SNTG2: variants seen among roughly 807,000 people sequenced by gnomAD.
SNTG2 encodes the protein gamma-2-syntrophin.
SNTG2 carries 74 observed loss-of-function variants against 70.9 expected under a neutral mutation model. The observed-to-expected ratio is 1.04, with a 90% CI of 0.86 to 1.27. The LOEUF (loss-of-function observed/expected upper bound fraction) is 1.27. SNTG2 is among the 50% of genes most tolerant of loss of function. SNTG2 has a pLI of 0.00. For missense variants in SNTG2, 717 were observed against 690.7 expected (o/e 1.04, Z -0.43); for synonymous variants, 278 against 273.8 (o/e 1.02, Z -0.15).
At chr2:1,239,651 C>T (rs754928326) in intron 10 of SNTG2, 87 bp from the exon 11 acceptor site, 20 of 1,390,472 alleles carry the variant, frequency 1.4e-5, no homozygotes, top group Admixed American at 1.3e-4. Context: ...CAGGACAGAG[C>T]GTGGCTGATG....
intron 6 of SNTG2, among the ~76,000 whole-genome samples, chr2:1,162,071 CAAAAAA>C (rs58579024): frequency 6.7e-5 from 6 of 89,776 alleles, no homozygotes; most frequent in South Asian, 9.9e-4. Context: ...GACTCCGTCT[CAAAAAA>C]AAAAAAAAAA....
chr2:1,068,707 A>T lies in SNTG2; in HGVS notation c.73-14811A>T, dbSNP rs201009272. 2.0e-5 allele frequency among the ~76,000 whole-genome samples: 3 copies of T among 152,218 alleles called. No homozygotes were observed. The East Asian group carries it at 5.8e-4, about 29-fold the overall frequency. ...CCATTACATTTCATCTTAAATTTGTATGCTGAAAGCACTGAAGAAACACAT... is the reference window on the plus strand; with the variant it reads ...CCATTACATTTCATCTTAAATTTGTTTGCTGAAAGCACTGAAGAAACACAT... On this transcript the variant is annotated intron_variant, in intron 1 of 16. Coordinates refer to ENST00000308624, the MANE Select transcript of SNTG2 (RefSeq NM_018968.4).
At chr2:1,135,530 G>A (rs1334605875) in intron 4 of SNTG2, among the ~76,000 whole-genome samples, 2 of 152,178 alleles carry the variant, frequency 1.3e-5, no homozygotes, top group Non-Finnish European at 2.9e-5. Flanking sequence ...GACCAGCCTG[G>A]CCAACATGGC....
intron 4 of SNTG2, among the ~76,000 whole-genome samples, chr2:1,118,891 G>A (rs1476527877): frequency 6.6e-6 from 1 of 152,038 alleles, no homozygotes; most frequent in Non-Finnish European, 1.5e-5. Context: ...TTCAGTCTTG[G>A]GAGAGATATG....
intron 8 of SNTG2, among the ~76,000 whole-genome samples, chr2:1,190,184 G>T (rs1672492143): frequency 6.6e-6 from 1 of 151,976 alleles, no homozygotes; most frequent in East Asian, 1.9e-4. Context: ...TTCCACAGGG[G>T]ATTGGTTCTA....
rs914957540 is a variant in SNTG2, at chr2:1,158,310, A to AT, written c.412-7232dup. 58 of 151,768 alleles carry AT rather than the reference A, an allele frequency of 3.8e-4. 1 individual carries two copies. The highest frequency in any genetic ancestry group is 1.4e-3 in the African/African-American group (56 of 41,282). 9.4% of individuals were successfully genotyped at this position (151,768 alleles called of 1,614,324 possible). ...TTACATAGAAAAGTAGAAAATTATT[A>AT]TTTTTTAAAATTTATCTACATCTGA... On this transcript the variant is annotated intron_variant, in intron 6 of 16. Transcript: ENST00000308624.
intron 15 of SNTG2, among the ~76,000 whole-genome samples, chr2:1,311,396 T>C (rs56153516): frequency 0.024 from 3,596 of 152,282 alleles, 124 homozygotes; most frequent in African/African-American, 0.08. Flanking sequence ...ACATAAACAA[T>C]TGTTCCTTGT....
chr2:1,256,065 G>A (rs1272638214), intron 12 of SNTG2, among the ~76,000 whole-genome samples: 5 of 150,982 alleles, frequency 3.3e-5, no homozygotes, highest in Non-Finnish European at 7.4e-5. Flanking sequence ...ATCATAGGGT[G>A]TATTTACAGA....
intron 4 of SNTG2, among the ~76,000 whole-genome samples, chr2:1,104,285 T>C (rs1665978822): frequency 6.6e-6 from 1 of 152,224 alleles, no homozygotes; most frequent in Non-Finnish European, 1.5e-5. Flanking sequence ...TTGCTCTATG[T>C]TGGTGTTGCC....
At chr2:1,272,233 C>T (rs1002064595) in intron 14 of SNTG2, among the ~76,000 whole-genome samples, 5 of 151,824 alleles carry the variant, frequency 3.3e-5, no homozygotes, top group East Asian at 1.9e-4. Context: ...TGCAACTAGA[C>T]GGTCCCATCT....
At chr2:1,341,320 G>A (rs1020044211) in intron 16 of SNTG2, 1 of 152,224 alleles carries the variant, frequency 6.6e-6, no homozygotes, top group Non-Finnish European at 1.5e-5. Flanking sequence ...CAAGAGAGAA[G>A]CAGAGAACAT....
At chr2:1,238,891 C>G (rs1213371685) in intron 10 of SNTG2, among the ~76,000 whole-genome samples, 1 of 152,244 alleles carries the variant, frequency 6.6e-6, no homozygotes, top group East Asian at 1.9e-4. Flanking sequence ...CTGCCCACCA[C>G]CTCACGTCTC....
At chr2:1,328,795 C>CCA (rs1223630410) in intron 16 of SNTG2, among the ~76,000 whole-genome samples, 2 of 151,834 alleles carry the variant, frequency 1.3e-5, no homozygotes, top group Non-Finnish European at 2.9e-5. Flanking sequence ...ACGTGTGTAT[C>CCA]CACACACACA....
At chr2:1,124,551 C>T (rs907275182) in intron 4 of SNTG2, among the ~76,000 whole-genome samples, 2 of 152,162 alleles carry the variant, frequency 1.3e-5, no homozygotes, top group Admixed American at 1.3e-4. Flanking sequence ...CCACCTTAGC[C>T]TCCCAAAATG....
intron 16 of SNTG2, among the ~76,000 whole-genome samples, chr2:1,330,498 GC>G (rs1659468449): frequency 6.6e-6 from 1 of 152,172 alleles, no homozygotes; most frequent in East Asian, 1.9e-4. Flanking sequence ...AATCTGTGCA[GC>G]AAGGTGGAGC....
At chr2:1,336,717 T>C (rs1659835744) in intron 16 of SNTG2, among the ~76,000 whole-genome samples, 1 of 152,222 alleles carries the variant, frequency 6.6e-6, no homozygotes, top group East Asian at 1.9e-4. Context: ...GAAGAGACTA[T>C]CTTTTCCCCG....
At chr2:1,083,195 T>C (rs1490986682) in intron 1 of SNTG2, among the ~76,000 whole-genome samples, 1 of 149,752 alleles carries the variant, frequency 6.7e-6, no homozygotes, top group Non-Finnish European at 1.5e-5. Context: ...TATATATATA[T>C]ATATTTGGAA....
At chr2:1,120,922 A>G (rs755431418) in intron 4 of SNTG2, among the ~76,000 whole-genome samples, 1 of 152,176 alleles carries the variant, frequency 6.6e-6, no homozygotes. Context: ...AGATATATAA[A>G]GAACTTTCCA....
intron 16 of SNTG2, among the ~76,000 whole-genome samples, chr2:1,329,892 A>G (rs917039709): frequency 1.3e-5 from 2 of 152,234 alleles, no homozygotes; most frequent in Non-Finnish European, 2.9e-5. Context: ...CACAAATCCT[A>G]TATAGTGACT....
Sources: allele counts gnomAD v4.1 joint callset (sites outside exome capture counted in the v4.1 genomes callset), GRCh38; gene constraint gnomAD v4.1.1; transcripts MANE v1.5; gene names NCBI Gene and HGNC (gene_info 2026-07-23, HGNC 2026-07-21).